SLC44A1: variants seen among roughly 807,000 people sequenced by gnomAD.
The protein encoded by SLC44A1 is solute carrier family 44 member 1.
In SLC44A1, 26 loss-of-function variants were observed where a neutral mutation model predicts 79.3. That is an observed-to-expected ratio of 0.33 (90% CI 0.24 to 0.46). The LOEUF is 0.46. SLC44A1 is among the 20% of genes least tolerant of loss of function. SLC44A1 has a pLI of 1.00. For synonymous variants in SLC44A1, 263 were observed against 286.2 expected (o/e 0.92, Z 0.82); for missense variants, 688 against 798.1 (o/e 0.86, Z 1.66).
chr9:105,403,859 G>A (rs114839283), intron 15 of SLC44A1, among the ~76,000 whole-genome samples: 8 of 23,088 alleles, frequency 3.5e-4, no homozygotes, highest in African/African-American at 4.9e-4. Flanking sequence ...AAATTGGAGC[G>A]GTCAGTAGGG....
intron 3 of SLC44A1, among the ~76,000 whole-genome samples, chr9:105,321,323 C>CT (rs1309881263): frequency 6.6e-6 from 1 of 152,160 alleles, no homozygotes; most frequent in Non-Finnish European, 1.5e-5. Flanking sequence ...ATTGAAAAGA[C>CT]TATCTTCCCC....
chr9:105,308,093 TAA>T (rs1831080547), intron 2 of SLC44A1, among the ~76,000 whole-genome samples: 1 of 152,234 alleles, frequency 6.6e-6, no homozygotes, highest in Non-Finnish European at 1.5e-5. Flanking sequence ...GTTTTAACTT[TAA>T]CTTATAGATG....
Position 105,385,634 on chromosome 9 carries a change from T to G in SLC44A1, c.1950+132T>G. 6 of 1,447,112 alleles carry G rather than the reference T, an allele frequency of 4.1e-6. 1 individual carries two copies. The South Asian group carries it at 7.5e-5, about 18-fold the overall frequency. The allele number at this position is 1,447,112 out of a possible 1,614,324, so 89.6% of individuals were successfully genotyped here. On this transcript the variant is annotated intron_variant, in intron 15 of 15. Coordinates refer to ENST00000374720, the MANE Select transcript of SLC44A1 (RefSeq NM_080546.5). Reference sequence around the variant, plus strand: ...GTATCACGCAGGACATGCTGCTCTTTCTGTTTGTGTGCTTACCCATCACTT... The same window carrying G: ...GTATCACGCAGGACATGCTGCTCTTGCTGTTTGTGTGCTTACCCATCACTT...
chr9:105,404,436 A>G lies in SLC44A1; in HGVS notation c.1950+18934A>G, dbSNP rs144616552. On this transcript the variant is annotated intron_variant, in intron 15 of 15. Coordinates refer to the SLC44A1 transcript ENST00000374724. The stretch of plus-strand genomic sequence containing the variant: ...ATTTACTTTTCACCTGGAAAGAACC[A>G]CTTTAAGATGAAGCCGTATTTACTT... Among the ~76,000 whole-genome samples the G allele has an allele frequency of 4.5e-4, 68 of 152,300 alleles. 2 individuals are homozygous for G. In the East Asian group the frequency reaches 0.011, roughly 25 times the overall value.
rs566369434 is a variant in SLC44A1 at position 105,395,967 on chromosome 9, G to C, written c.*6911G>C. On this transcript the variant is annotated 3_prime_UTR_variant, in exon 16 of 16. Transcript: ENST00000374720. The stretch of plus-strand genomic sequence containing the variant: ...TGTGACAATAATAGGATAGCTTTGG[G>C]GGCTGGTGATTTGAAACAGGGACTA... The C allele has an allele frequency of 2.1e-5, 21 of 984,700 alleles. No homozygotes were observed. The South Asian group carries it at 2.8e-4, about 13-fold the overall frequency. 61.0% of individuals were successfully genotyped at this position (984,700 alleles called of 1,614,324 possible).
chr9:105,415,225 T>G (rs577710128), intron 15 of SLC44A1, among the ~76,000 whole-genome samples: 2 of 152,162 alleles, frequency 1.3e-5, no homozygotes, highest in Non-Finnish European at 2.9e-5. Flanking sequence ...TTCAAAGATT[T>G]CTCAAAGCCC....
chr9:105,355,323 T>C (rs1368756991), intron 5 of SLC44A1, among the ~76,000 whole-genome samples: 1 of 152,230 alleles, frequency 6.6e-6, no homozygotes, highest in Non-Finnish European at 1.5e-5. Flanking sequence ...GCTCTAGTCT[T>C]TCACAAGTAA....
intron 1 of SLC44A1, among the ~76,000 whole-genome samples, chr9:105,269,848 C>T (rs1830039489): frequency 6.6e-6 from 1 of 152,180 alleles, no homozygotes; most frequent in Non-Finnish European, 1.5e-5. Context: ...TGAACTCTAA[C>T]TTGGGAGACA....
intron 3 of SLC44A1, among the ~76,000 whole-genome samples, chr9:105,330,797 A>G (rs1376753017): frequency 6.6e-6 from 1 of 152,192 alleles, no homozygotes; most frequent in Admixed American, 6.5e-5. Context: ...ATTTCTGGAA[A>G]CCACCCCAAC....
In SLC44A1 at chr9:105,383,213, G is replaced by A. The variant is rs767290859; in HGVS notation, c.1723G>A (p.Val575Ile). 65 of 1,613,902 alleles carry A rather than the reference G, an allele frequency of 4.0e-5. No individual in the cohort carries two copies. In the Admixed American group the frequency reaches 4.3e-4, roughly 11 times the overall value. Residue 575 changes from valine to isoleucine, a missense_variant, in exon 14 of 16, where the codon GTC (valine) becomes ATC (isoleucine). Val to Ile is a conservative substitution (Grantham distance 29, BLOSUM62 3). Transcript: ENST00000374720. ...YTVWVLPLII[V>I]CLFAFLVAHC... ...AGTATGGGTGCTGCCTCTGATCATC[G>A]TCTGCCTCTTTGCTTTCCTAGTCGC...
exon 16 of SLC44A1, chr9:105,438,313 G>T (rs1430370749): frequency 6.5e-7 from 1 of 1,549,328 alleles, no homozygotes; most frequent in Middle Eastern, 1.7e-4. Context: ...CATGAGCCCT[G>T]AAGAATGAAC....
chr9:105,374,420 C>T (rs149597526), intron 12 of SLC44A1, among the ~76,000 whole-genome samples, 178 bp from the exon 13 acceptor site: 75 of 152,200 alleles, frequency 4.9e-4, no homozygotes, highest in African/African-American at 1.8e-3. Context: ...TTATTTTTAC[C>T]ATATGAGGCT....
intron 2 of SLC44A1, among the ~76,000 whole-genome samples, chr9:105,306,956 C>T (rs1484520746): frequency 7.2e-5 from 11 of 152,064 alleles, no homozygotes; most frequent in Admixed American, 5.9e-4. Context: ...TGTACGGTAA[C>T]GAAATTACTG....
chr9:105,402,884 T>G (rs753734443), intron 15 of SLC44A1, among the ~76,000 whole-genome samples: 2 of 151,306 alleles, frequency 1.3e-5, no homozygotes, highest in Admixed American at 1.3e-4. Flanking sequence ...CCATCATAGC[T>G]CACTGCAGCC....
At chr9:105,352,135 A>G (rs927252688) in intron 5 of SLC44A1, among the ~76,000 whole-genome samples, 1 of 152,252 alleles carries the variant, frequency 6.6e-6, no homozygotes, top group East Asian at 1.9e-4. Flanking sequence ...AATGTTTTAA[A>G]AAGGGTGAAA....
At chr9:105,375,400 C>T (rs913532667) in intron 13 of SLC44A1, among the ~76,000 whole-genome samples, 1 of 152,206 alleles carries the variant, frequency 6.6e-6, no homozygotes, top group Admixed American at 6.5e-5. Context: ...GTTAGTGGTA[C>T]TGCAACTGGA....
chr9:105,426,107 A>C (rs1564060097), intron 15 of SLC44A1, among the ~76,000 whole-genome samples: 1 of 152,206 alleles, frequency 6.6e-6, no homozygotes, highest in Non-Finnish European at 1.5e-5. Flanking sequence ...AGTCCAAAGG[A>C]GATGATGGGG....
rs193131547 is a variant in SLC44A1 at position 105,328,278 on chromosome 9, C to T, written c.270-7285C>T. Among the ~76,000 whole-genome samples the T allele has an allele frequency of 4.6e-5, 7 of 152,078 alleles. 1 individual carries two copies. Among genetic ancestry groups the T allele is most frequent in the Admixed American group, 2.0e-4 (3 of 15,266 alleles). ...ATAAGTAAAATACACAGTGTGTGAA[C>T]GAGTGTAAGTCTGAGGAGAAACAAA... On this transcript the variant is annotated intron_variant, in intron 3 of 15. Coordinates refer to ENST00000374720, the MANE Select transcript of SLC44A1 (RefSeq NM_080546.5).
chr9:105,366,927 C>G (rs1339043019), intron 12 of SLC44A1, among the ~76,000 whole-genome samples: 1 of 149,336 alleles, frequency 6.7e-6, no homozygotes, highest in Non-Finnish European at 1.5e-5. Flanking sequence ...AGTGTGCTCT[C>G]TATGCTGATA....
Sources: gnomAD v4.1 joint callset for allele counts (sites outside exome capture counted in the v4.1 genomes callset) on GRCh38, gnomAD v4.1.1 for gene constraint, MANE v1.5 for transcripts, NCBI Gene and HGNC (gene_info 2026-07-23, HGNC 2026-07-21) for gene names.